The following MGST1 variants were observed in gnomAD, a reference collection of about 807,000 sequenced individuals.
MGST1 encodes glutathione S-transferase 12.
Under a neutral mutation model 8.9 loss-of-function variants are expected in MGST1, and 5 were observed. That is an observed-to-expected ratio of 0.56 (90% CI 0.29 to 1.19). MGST1 has a LOEUF of 1.19. Among genes scored for constraint, MGST1 ranks in the 50% most tolerant of loss-of-function variants. The pLI is 0.08. For synonymous variants in MGST1, 54 were observed against 67.8 expected (o/e 0.80, Z 1.00); for missense variants, 182 against 187.4 (o/e 0.97, Z 0.17).
intron 4 of MGST1, among the ~76,000 whole-genome samples, chr12:16,487,253 C>T (rs577004014): frequency 1.6e-4 from 24 of 152,150 alleles, no homozygotes; most frequent in Admixed American, 6.5e-4. Context: ...AAAAGAAATC[C>T]CATTAGGTTT....
In MGST1 at chr12:16,546,136, G is replaced by A. The variant is rs1281919160; in HGVS notation, n.483-43392G>A. Among the ~76,000 whole-genome samples, 10 of 151,994 alleles carry A rather than the reference G, an allele frequency of 6.6e-5. No individual in the cohort carries two copies. The highest frequency in any genetic ancestry group is 4.8e-5 in the African/African-American group (2 of 41,392). On this transcript the variant is annotated intron_variant and non_coding_transcript_variant, in intron 4 of 4. Transcript: ENST00000538857. The surrounding 1 kb of genome is among the most constrained non-coding windows in gnomAD (Gnocchi z 4.7). Reference sequence around the variant, plus strand: ...CATGGCAATTGTTTGGTAAATATTCGCTATTATTACTAAAAGTTATTGAAG... The same window carrying A: ...CATGGCAATTGTTTGGTAAATATTCACTATTATTACTAAAAGTTATTGAAG...
chr12:16,579,863 T>C (rs1943104731), intron 4 of MGST1, among the ~76,000 whole-genome samples: 1 of 152,210 alleles, frequency 6.6e-6, no homozygotes, highest in South Asian at 2.1e-4. Flanking sequence ...CTGTACTGAT[T>C]TAGATAATGA....
intron 4 of MGST1, among the ~76,000 whole-genome samples, chr12:16,478,176 C>T (rs1326103204): frequency 1.3e-5 from 2 of 152,096 alleles, no homozygotes; most frequent in African/African-American, 4.8e-5. Context: ...ACTATAGGCG[C>T]GTGCCACCAC....
At position 16,560,010 on chromosome 12, in the gene MGST1, A is replaced by T. The variant is rs1942334841; in HGVS notation, n.483-29518A>T. On this transcript the variant is annotated intron_variant and non_coding_transcript_variant, in intron 4 of 4. Coordinates refer to the MGST1 transcript ENST00000538857. The surrounding 1 kb of genome is among the most constrained non-coding windows in gnomAD (Gnocchi z 5.0). ...GGGATAAGGAATTTAAAATATAAAA[A>T]ATAATAAGAATATAAAATACCTGCA... Among the ~76,000 whole-genome samples the T allele has an allele frequency of 6.6e-6, 1 of 152,078 alleles. No homozygotes were observed. The highest frequency in any genetic ancestry group is 2.1e-4 in the South Asian group (1 of 4,822).
At chr12:16,359,506 G>C (rs976467552) in intron 3 of MGST1, among the ~76,000 whole-genome samples, 2 of 152,148 alleles carry the variant, frequency 1.3e-5, no homozygotes, top group Non-Finnish European at 2.9e-5. Context: ...AGAATGGGTT[G>C]TGTCAAGAAT....
At chr12:16,369,220 A>G (rs1461243573), downstream of MGST1, among the ~76,000 whole-genome samples, 6 of 152,150 alleles carry the variant, frequency 3.9e-5, no homozygotes. This position sits in a 1 kb window ranked among gnomAD's most constrained non-coding sequence, Gnocchi z 4.8. Context: ...CTGAGGCTTT[A>G]TGCCCCATCC....
chr12:16,542,643 A>T (rs754610694), intron 4 of MGST1, among the ~76,000 whole-genome samples: 1 of 151,956 alleles, frequency 6.6e-6, no homozygotes, highest in Non-Finnish European at 1.5e-5. Context: ...CATTCTTTTC[A>T]TTCTGTAATG....
In MGST1 at chr12:16,395,811, A is replaced by ATATATATATATG. The variant is rs1247749625; in HGVS notation, n.778+12207_778+12208insTATATATATATG. On this transcript the variant is annotated intron_variant and non_coding_transcript_variant, in intron 1 of 1. Transcript: ENST00000359720. Reference sequence around the variant, plus strand: ...TATATATATATATATATATACACACACACACACACACACACCACAATTTCT... The same window carrying ATATATATATATG: ...TATATATATATATATATATACACACATATATATATATGCACACACACACACACCACAATTTCT... 4.2e-3 allele frequency among the ~76,000 whole-genome samples: 590 copies of ATATATATATATG among 141,350 alleles called. 9 individuals carry two copies. Among genetic ancestry groups the ATATATATATATG allele is most frequent in the African/African-American group, 0.016 (545 of 33,196 alleles). The allele number at this position is 141,350 out of a possible 152,430, so 92.7% of individuals were successfully genotyped here.
At chr12:16,474,177 T>G (rs964178103) in intron 4 of MGST1, among the ~76,000 whole-genome samples, 1 of 152,246 alleles carries the variant, frequency 6.6e-6, no homozygotes, top group Non-Finnish European at 1.5e-5. Context: ...CTCACTGTAC[T>G]TGTTGTAGCT....
In MGST1 at chr12:16,363,134, T is replaced by A. The variant is rs1166220369; in HGVS notation, c.222-661T>A. 1 of 152,216 alleles carries A rather than the reference T, an allele frequency of 6.6e-6. No individual in the cohort carries two copies. The allele number at this position is 152,216 out of a possible 1,614,324, so 9.4% of individuals were successfully genotyped here. A position where few individuals can be genotyped will look rare whatever the true frequency, so the allele number is the denominator to read the frequency against. ...ATTCTCTCTTTCTCTCTTTCACCTATCCTACTTTTTGTGTGTCCTTTGTAG... is the reference window on the plus strand; with the variant it reads ...ATTCTCTCTTTCTCTCTTTCACCTAACCTACTTTTTGTGTGTCCTTTGTAG... On this transcript the variant is annotated intron_variant, in intron 3 of 3. Coordinates refer to ENST00000396210, the MANE Select transcript of MGST1 (RefSeq NM_020300.5). The surrounding 1 kb of genome is among the most constrained non-coding windows in gnomAD (Gnocchi z 4.6).
intron 3 of MGST1, chr12:16,360,260 T>C (rs1233494619): frequency 4.8e-5 from 37 of 774,120 alleles, no homozygotes; most frequent in Non-Finnish European, 5.5e-5. Flanking sequence ...TTTCCATTTT[T>C]AAGTTAGACT....
At chr12:16,415,797 G>T (rs1591721447) in intron 1 of MGST1, among the ~76,000 whole-genome samples, 1 of 151,964 alleles carries the variant, frequency 6.6e-6, no homozygotes, top group Non-Finnish European at 1.5e-5. Flanking sequence ...GCTTCCTACC[G>T]CCCATGTTTT....
At chr12:16,475,481 C>T (rs1177096799) in intron 4 of MGST1, among the ~76,000 whole-genome samples, 1 of 152,174 alleles carries the variant, frequency 6.6e-6, no homozygotes, top group Non-Finnish European at 1.5e-5. Context: ...ATCTCAAGAT[C>T]TCTTACATAG....
chr12:16,452,443 C>T (rs1371058428), intron 4 of MGST1, among the ~76,000 whole-genome samples: 3 of 151,232 alleles, frequency 2.0e-5, no homozygotes, highest in African/African-American at 7.3e-5. Context: ...ATCATGATCA[C>T]CCTATCCACC....
At chr12:16,374,495 G>C (rs930352312) in intron 3 of MGST1, among the ~76,000 whole-genome samples, 12 of 151,576 alleles carry the variant, frequency 7.9e-5, no homozygotes, top group African/African-American at 2.4e-4. Context: ...CCTTTATCCA[G>C]AATAAAAACA....
chr12:16,549,247 G>C (rs534002658), intron 4 of MGST1: 1 of 152,208 alleles, frequency 6.6e-6, no homozygotes, highest in Non-Finnish European at 1.5e-5. Flanking sequence ...TGAAACAAGT[G>C]TAAGGCTCTA....
intron 1 of MGST1, among the ~76,000 whole-genome samples, chr12:16,419,324 T>C (rs1310879846): frequency 6.6e-6 from 1 of 152,204 alleles, no homozygotes; most frequent in Non-Finnish European, 1.5e-5. Context: ...TTGTCTGGCA[T>C]ATTCTCTTGT....
chr12:16,400,744 G>A (rs537669762), intron 1 of MGST1: 6 of 1,277,450 alleles, frequency 4.7e-6, no homozygotes, highest in African/African-American at 2.9e-5. Flanking sequence ...CTCCTTCCAC[G>A]GACATACTTA....
intron 4 of MGST1, among the ~76,000 whole-genome samples, chr12:16,514,542 G>A (rs1046486999): frequency 8.0e-5 from 12 of 150,020 alleles, no homozygotes; most frequent in South Asian, 7.3e-4. Context: ...GTTAAAGCCC[G>A]AACAGGTGGA....
Sources: allele counts gnomAD v4.1 joint callset (sites outside exome capture counted in the v4.1 genomes callset), GRCh38; gene constraint gnomAD v4.1.1; non-coding constraint Gnocchi (gnomAD v3.1); transcripts MANE v1.5; gene names NCBI Gene and HGNC (gene_info 2026-07-23, HGNC 2026-07-21).